CDH12: variants seen among roughly 807,000 people sequenced by gnomAD.
CDH12 encodes the protein cadherin 12, also known as cadherin-12.
CDH12 carries 41 observed loss-of-function variants against 74.1 expected under a neutral mutation model. The ratio of observed to expected loss-of-function variants is 0.55; its 90% CI spans 0.43 to 0.72. The LOEUF is 0.72. Among genes scored for constraint, CDH12 ranks in the 30% least tolerant of loss-of-function variants. The pLI is 0.00. For synonymous variants in CDH12, 399 were observed against 355.0 expected (o/e 1.12, Z -1.39); for missense variants, 945 against 977.2 (o/e 0.97, Z 0.44).
At position 21,817,148 on chromosome 5, in the gene CDH12, A is replaced by C. The variant is rs191053108; in HGVS notation, c.815-16T>G. The C allele has an allele frequency of 9.1e-3, 14,303 of 1,575,974 alleles. 106 individuals carry two copies. The highest frequency in any genetic ancestry group is 0.011 in the Non-Finnish European group (13,249 of 1,155,858). ...TGGAAGATGCCTGATAAGACATATA[A>C]AATTTGAATTGACAGTGGGGTTAGT... is the stretch of plus-strand genomic sequence containing the variant. On this transcript the variant is annotated splice_polypyrimidine_tract_variant and intron_variant, in intron 8 of 14. Transcript: ENST00000382254.
At chr5:21,831,201 G>A (rs1369916598) in intron 8 of CDH12, among the ~76,000 whole-genome samples, 1 of 152,070 alleles carries the variant, frequency 6.6e-6, no homozygotes, top group Non-Finnish European at 1.5e-5. Flanking sequence ...CCTAGCTACT[G>A]GGACAATTCT....
intron 4 of CDH12, among the ~76,000 whole-genome samples, chr5:22,178,793 G>A (rs575931037): frequency 6.6e-6 from 1 of 152,208 alleles, no homozygotes; most frequent in East Asian, 1.9e-4. Flanking sequence ...GAAAATGTTG[G>A]CATCTTTATG....
At chr5:22,649,415 A>C (rs1739612595) in intron 1 of CDH12, among the ~76,000 whole-genome samples, 1 of 152,022 alleles carries the variant, frequency 6.6e-6, no homozygotes, top group African/African-American at 2.4e-5. Context: ...GTGGTACCAC[A>C]CACAGGAGAG....
At chr5:22,170,807 C>CT (rs932462877) in intron 4 of CDH12, among the ~76,000 whole-genome samples, 8 of 151,728 alleles carry the variant, frequency 5.3e-5, no homozygotes, top group African/African-American at 7.3e-5. Flanking sequence ...AATAGTATGA[C>CT]TTTTTTCTAA....
At chr5:22,327,527 A>G (rs1301578741) in intron 3 of CDH12, among the ~76,000 whole-genome samples, 1 of 151,384 alleles carries the variant, frequency 6.6e-6, no homozygotes, top group Non-Finnish European at 1.5e-5. Context: ...TTTTGGCATC[A>G]ATTTACATAA....
At chr5:21,830,032 C>A (rs6884571) in intron 8 of CDH12, among the ~76,000 whole-genome samples, 31,729 of 151,078 alleles carry the variant, frequency 0.21, 3,524 homozygotes, top group East Asian at 0.31. Flanking sequence ...AACCCCATCT[C>A]TACTAAAAAT....
At position 22,078,799 on chromosome 5, in the gene CDH12, T is replaced by C; in HGVS notation, c.-123A>G. The C allele has an allele frequency of 6.8e-7, 1 of 1,462,636 alleles. No homozygotes were observed. Among genetic ancestry groups the C allele is most frequent in the Non-Finnish European group, 9.0e-7 (1 of 1,112,768 alleles). 90.6% of individuals were successfully genotyped at this position (1,462,636 alleles called of 1,614,324 possible). On this transcript the variant is annotated 5_prime_UTR_variant, in exon 5 of 15. Coordinates refer to ENST00000382254, the MANE Select transcript of CDH12 (RefSeq NM_004061.5). ...GCTTCTTGTTTTATTGCAGAAATGA[T>C]GATGCAGGCATTAATCCTTTTGATG... is the stretch of plus-strand genomic sequence containing the variant.
intron 2 of CDH12, among the ~76,000 whole-genome samples, chr5:22,408,227 G>T (rs1743020393): frequency 7.1e-6 from 1 of 141,318 alleles, no homozygotes; most frequent in South Asian, 2.2e-4. Context: ...AAACAAGATA[G>T]ATTCTTAAAG....
chr5:22,202,681 C>T lies in CDH12; in HGVS notation c.-187+9817G>A, dbSNP rs572226843. ...TCCACGTCAGTACTAGCAGATATGG[C>T]CATCCATATTCTTCACTTTTCCTGA... is the stretch of plus-strand genomic sequence containing the variant. On this transcript the variant is annotated intron_variant, in intron 4 of 14. Coordinates refer to ENST00000382254, the MANE Select transcript of CDH12 (RefSeq NM_004061.5). 2.0e-3 allele frequency among the ~76,000 whole-genome samples: 310 copies of T among 152,180 alleles called. 1 individual carries two copies. Among genetic ancestry groups the T allele is most frequent in the Non-Finnish European group, 3.8e-3 (259 of 68,016 alleles).
intron 1 of CDH12, chr5:22,580,622 C>A (rs191632590): frequency 3.2e-4 from 157 of 484,276 alleles, no homozygotes; most frequent in Admixed American, 1.4e-3. Context: ...ACATACCCCA[C>A]ATACTCCCTA....
At chr5:22,300,806 T>C (rs543530113) in intron 3 of CDH12, among the ~76,000 whole-genome samples, 1 of 152,342 alleles carries the variant, frequency 6.6e-6, no homozygotes, top group Admixed American at 6.5e-5. Flanking sequence ...GTTGTTCTGA[T>C]GTACAGAGCT....
intron 3 of CDH12, among the ~76,000 whole-genome samples, chr5:22,341,965 A>G (rs757993861): frequency 9.9e-5 from 15 of 152,056 alleles, no homozygotes; most frequent in Non-Finnish European, 1.9e-4. Flanking sequence ...TAAACAGTGA[A>G]CTTAACATTT....
At chr5:21,982,370 T>A (rs1435538181) in intron 5 of CDH12, among the ~76,000 whole-genome samples, 3 of 152,028 alleles carry the variant, frequency 2.0e-5, no homozygotes, top group Admixed American at 6.6e-5. Context: ...GTTTGCCAAC[T>A]GCATACCTTT....
At chr5:21,753,671 G>A (rs1384066497) in intron 14 of CDH12, among the ~76,000 whole-genome samples, 2 of 151,720 alleles carry the variant, frequency 1.3e-5, no homozygotes, top group African/African-American at 4.8e-5. Context: ...CAGACCCTAT[G>A]ACAGGACAAA....
intron 6 of CDH12, among the ~76,000 whole-genome samples, chr5:21,886,793 C>T (rs1012262893): frequency 1.3e-5 from 2 of 151,546 alleles, no homozygotes; most frequent in African/African-American, 2.4e-5. Flanking sequence ...GTATTCTTAT[C>T]GATATTTTAT....
At chr5:22,273,195 T>G (rs1050131767) in intron 3 of CDH12, among the ~76,000 whole-genome samples, 1 of 152,004 alleles carries the variant, frequency 6.6e-6, no homozygotes, top group Non-Finnish European at 1.5e-5. Flanking sequence ...ACAAAACAAT[T>G]ACAATAGTAG....
At chr5:21,773,833 G>A (rs1405930619) in intron 11 of CDH12, among the ~76,000 whole-genome samples, 6 of 151,898 alleles carry the variant, frequency 4.0e-5, no homozygotes. Flanking sequence ...TCTTTATCAT[G>A]TGACATAAGA....
intron 1 of CDH12, among the ~76,000 whole-genome samples, chr5:22,700,125 C>T (rs887258375): frequency 1.3e-5 from 2 of 152,038 alleles, no homozygotes; most frequent in African/African-American, 4.8e-5. Context: ...CGAGATTGTA[C>T]CACTGCACTC....
At chr5:22,756,991 C>T (rs977680184) in intron 1 of CDH12, among the ~76,000 whole-genome samples, 2 of 151,904 alleles carry the variant, frequency 1.3e-5, no homozygotes, top group African/African-American at 4.8e-5. Flanking sequence ...TTACTTTGTA[C>T]ATTGCATTCC....
Sources: allele counts gnomAD v4.1 joint callset (sites outside exome capture counted in the v4.1 genomes callset), GRCh38; gene constraint gnomAD v4.1.1; transcripts MANE v1.5; gene names NCBI Gene and HGNC (gene_info 2026-07-23, HGNC 2026-07-21).